Variants in OPHN1 observed in about 807,000 individuals in gnomAD.
The protein encoded by OPHN1 is oligophrenin-1.
A neutral mutation model predicts 60.7 loss-of-function variants in OPHN1; 11 were observed. The observed-to-expected ratio is 0.18, with a 90% confidence interval of 0.11 to 0.30. The LOEUF is 0.30. Among genes scored for constraint, OPHN1 ranks in the 10% least tolerant of loss-of-function variants. The pLI is 1.00. For synonymous variants in OPHN1, 226 were observed against 222.6 expected (o/e 1.02, Z -0.14); for missense variants, 449 against 611.0 (o/e 0.73, Z 2.80).
rs1282733984 is a variant in OPHN1, at chrX:68,196,301, C to T, written c.1104+885G>A. Among the ~76,000 whole-genome samples, 5 of 112,080 alleles carry T rather than the reference C, an allele frequency of 4.5e-5. No homozygotes were observed. In the East Asian group the frequency reaches 1.4e-3, roughly 31 times the overall value. On this transcript the variant is annotated intron_variant, in intron 12 of 24. Coordinates refer to ENST00000355520, the MANE Select transcript of OPHN1 (RefSeq NM_002547.3). Reference sequence around the variant, plus strand: ...GCTGGATCTTAGGAGTTTTGTATCCCATCATTCAGATCGGCTAGCACATTG... The same window carrying T: ...GCTGGATCTTAGGAGTTTTGTATCCTATCATTCAGATCGGCTAGCACATTG...
intron 3 of OPHN1, among the ~76,000 whole-genome samples, chrX:68,293,366 G>A (rs1300994759): frequency 1.8e-5 from 2 of 112,070 alleles, no homozygotes; most frequent in African/African-American, 6.5e-5. Flanking sequence ...TCAGGATCAG[G>A]GGACTGACAA....
chrX:68,373,600 A>G (rs1056588964), intron 2 of OPHN1, among the ~76,000 whole-genome samples: 2 of 111,287 alleles, frequency 1.8e-5, no homozygotes, highest in African/African-American at 6.5e-5. Context: ...TGGCCCACGT[A>G]CTCCAACATC....
chrX:68,079,731 C>T (rs1054523421), intron 19 of OPHN1, among the ~76,000 whole-genome samples: 16 of 111,894 alleles, frequency 1.4e-4, no homozygotes, highest in African/African-American at 5.2e-4. Context: ...TTCTGGATAT[C>T]CCAGAGGTAT....
intron 15 of OPHN1, among the ~76,000 whole-genome samples, chrX:68,123,173 C>T (rs2077156991): frequency 1.8e-5 from 2 of 111,151 alleles, no homozygotes; most frequent in African/African-American, 6.5e-5. Context: ...GAGAGAGTGG[C>T]ATGACATAAA....
At chrX:68,201,486 T>A in intron 11 of OPHN1, 133 bp downstream of exon 11, 3 of 547,180 alleles carry the variant, frequency 5.5e-6, no homozygotes, top group Non-Finnish European at 9.4e-6. Flanking sequence ...CTGGCTTGAA[T>A]AGACTCACAA....
At chrX:68,181,121 T>G (rs1775634621) in intron 15 of OPHN1, among the ~76,000 whole-genome samples, 1 of 111,527 alleles carries the variant, frequency 9.0e-6, no homozygotes, top group African/African-American at 3.3e-5. Context: ...TCTGAAAGGT[T>G]ATTAAGACAA....
intron 15 of OPHN1, among the ~76,000 whole-genome samples, chrX:68,136,291 CTTTTTTTT>C (rs779712280): frequency 5.5e-4 from 35 of 64,089 alleles, no homozygotes; most frequent in Middle Eastern, 8.2e-3. Context: ...AATATCTTTT[CTTTTTTTT>C]TTTTTTTTTT....
intron 2 of OPHN1, among the ~76,000 whole-genome samples, chrX:68,418,490 A>C (rs1419585427): frequency 1.8e-5 from 2 of 111,314 alleles, no homozygotes; most frequent in African/African-American, 6.5e-5. Context: ...AGGGAGAATC[A>C]GGTAACTACA....
At chrX:68,262,259 G>C (rs5965532) in intron 5 of OPHN1, among the ~76,000 whole-genome samples, 10,454 of 111,369 alleles carry the variant, frequency 0.094, 1,063 homozygotes, top group African/African-American at 0.31. Context: ...AAACATAAAT[G>C]GTTAACAGTG....
chrX:68,290,111 C>T (rs182479702), intron 3 of OPHN1, among the ~76,000 whole-genome samples: 9 of 110,548 alleles, frequency 8.1e-5, no homozygotes, highest in Admixed American at 3.9e-4. Context: ...GACATTAACA[C>T]GGTTATGGAG....
intron 19 of OPHN1, among the ~76,000 whole-genome samples, chrX:68,091,909 T>A (rs2077019912): frequency 1.8e-5 from 2 of 111,327 alleles, no homozygotes; most frequent in Admixed American, 9.6e-5. Flanking sequence ...TTCTAGGGAA[T>A]CAGTGTAGAG....
chrX:68,089,059 G>T (rs977916809), intron 19 of OPHN1, among the ~76,000 whole-genome samples: 2 of 111,150 alleles, frequency 1.8e-5, no homozygotes, highest in Non-Finnish European at 3.8e-5. Context: ...AAGTCCACCC[G>T]ATCTCTCATT....
chrX:68,257,956 G>A lies in OPHN1; in HGVS notation c.384+16782C>T, dbSNP rs142216206. 7.4e-3 allele frequency among the ~76,000 whole-genome samples: 820 copies of A among 110,439 alleles called. 5 individuals carry two copies. The highest frequency in any genetic ancestry group is 0.013 in the Non-Finnish European group (703 of 52,944). On this transcript the variant is annotated intron_variant, in intron 5 of 24. Transcript: ENST00000355520. ...GCTCACAAAAGGAAACCTCATTTCA[G>A]CGAGATCACCCTTGTAATTACAAAA...
rs201605410 is a variant in OPHN1 at position 68,356,418 on chromosome X, A to ATT, written c.155-57324_155-57323dup. Among the ~76,000 whole-genome samples, 406 of 102,460 alleles carry ATT rather than the reference A, an allele frequency of 4.0e-3. 4 individuals carry two copies. The highest frequency in any genetic ancestry group is 0.014 in the African/African-American group (387 of 27,712). 89.0% of individuals were successfully genotyped at this position (102,460 alleles called of 115,157 possible). A position where few individuals can be genotyped will look rare whatever the true frequency, so the allele number is the denominator to read the frequency against. On this transcript the variant is annotated intron_variant, in intron 2 of 24. Coordinates refer to ENST00000355520, the MANE Select transcript of OPHN1 (RefSeq NM_002547.3). ...ATCACATGAGCCAATTCCTTAAAAT[A>ATT]TTTTTTTTTTTTGAGACAGGGTCTC...
chrX:68,209,021 A>C (rs1378852602), intron 9 of OPHN1, among the ~76,000 whole-genome samples: 2 of 112,330 alleles, frequency 1.8e-5, no homozygotes, highest in Non-Finnish European at 3.8e-5. Flanking sequence ...ATGCAAAGAA[A>C]AGTGTGATAA....
intron 2 of OPHN1, among the ~76,000 whole-genome samples, chrX:68,378,551 T>C (rs2078574753): frequency 9.0e-6 from 1 of 111,612 alleles, no homozygotes. Context: ...TCTTCTAGGG[T>C]TTTTACGGTT....
At chrX:68,220,475 C>CA (rs1330421323) in intron 6 of OPHN1, among the ~76,000 whole-genome samples, 4 of 108,015 alleles carry the variant, frequency 3.7e-5, no homozygotes, top group Non-Finnish European at 5.8e-5. Flanking sequence ...AGAGACACAA[C>CA]AAAAAAAGAG....
intron 2 of OPHN1, among the ~76,000 whole-genome samples, chrX:68,332,824 G>T (rs971219069): frequency 9.1e-6 from 1 of 110,106 alleles, no homozygotes; most frequent in African/African-American, 3.3e-5. Flanking sequence ...ACAGCAAAGA[G>T]CTTAAAGCCT....
chrX:68,347,761 T>C (rs1337286180), intron 2 of OPHN1, among the ~76,000 whole-genome samples: 1 of 111,968 alleles, frequency 8.9e-6, no homozygotes, highest in African/African-American at 3.2e-5. Context: ...GCTAAGAAGC[T>C]CTCTGGGTGA....
Sources: allele counts gnomAD v4.1 joint callset (sites outside exome capture counted in the v4.1 genomes callset), GRCh38; gene constraint gnomAD v4.1.1; transcripts MANE v1.5; gene names NCBI Gene and HGNC (gene_info 2026-07-23, HGNC 2026-07-21).